Variants in PICALM observed in about 807,000 individuals in gnomAD.
PICALM encodes phosphatidylinositol-binding clathrin assembly protein.
Under a neutral mutation model 80.5 loss-of-function variants are expected in PICALM, and 40 were observed. The ratio of observed to expected loss-of-function variants is 0.50; its 90% CI spans 0.39 to 0.65. PICALM has a LOEUF of 0.65. Among genes scored for constraint, PICALM ranks in the 30% least tolerant of loss-of-function variants. The pLI is 0.00. For synonymous variants in PICALM, 288 were observed against 260.3 expected (o/e 1.11, Z -1.02); for missense variants, 676 against 778.9 (o/e 0.87, Z 1.57).
chr11:86,030,423 T>A (rs919959671), intron 2 of PICALM, among the ~76,000 whole-genome samples: 1 of 152,218 alleles, frequency 6.6e-6, no homozygotes, highest in African/African-American at 2.4e-5. Context: ...AGAAAACTAA[T>A]ACCAATGACT....
At chr11:86,012,418 T>G in intron 5 of PICALM, 26 bp from the exon 6 acceptor site, 2 of 1,254,242 alleles carry the variant, frequency 1.6e-6, no homozygotes, top group African/African-American at 1.5e-5. Flanking sequence ...AAAATAAAAT[T>G]AGCTAATCTT....
intron 16 of PICALM, 60 bp from the exon 17 acceptor site, chr11:85,981,288 T>G: frequency 3.0e-6 from 3 of 985,386 alleles, no homozygotes; most frequent in South Asian, 1.3e-5. Flanking sequence ...TCCTTAGCTA[T>G]ATACTTATAT....
rs764369470 is a variant in PICALM, at chr11:85,957,517, TAA to T, written c.*1527_*1528del. Among the ~76,000 whole-genome samples the T allele has an allele frequency of 6.8e-4, 104 of 152,310 alleles. No homozygotes were observed. The highest frequency in any genetic ancestry group is 5.4e-3 in the South Asian group (26 of 4,826). Reference sequence around the variant, plus strand: ...AGAGTCTACAAGGTAACAAAAAGTGTAAAGAGACATCTTTTTGAAAATTCATA... The same window carrying T: ...AGAGTCTACAAGGTAACAAAAAGTGTAGAGACATCTTTTTGAAAATTCATA... On this transcript the variant is annotated 3_prime_UTR_variant, in exon 20 of 20. Transcript: ENST00000393346.
At chr11:86,020,319 C>T (rs935429697) in intron 4 of PICALM, among the ~76,000 whole-genome samples, 1 of 149,706 alleles carries the variant, frequency 6.7e-6, no homozygotes, top group Non-Finnish European at 1.5e-5. Flanking sequence ...AGATTCAATG[C>T]AATCCCCCAC....
intron 12 of PICALM, among the ~76,000 whole-genome samples, chr11:85,993,630 G>A (rs1031095383): frequency 6.6e-6 from 1 of 151,480 alleles, no homozygotes; most frequent in African/African-American, 2.4e-5. Flanking sequence ...GTAGAGATGG[G>A]GTATCACCAT....
chr11:85,973,129 A>G (rs879301616), intron 19 of PICALM, among the ~76,000 whole-genome samples: 3 of 152,240 alleles, frequency 2.0e-5, no homozygotes, highest in Non-Finnish European at 4.4e-5. Flanking sequence ...TCATTTTAAC[A>G]TGGACAAAGG....
intron 13 of PICALM, among the ~76,000 whole-genome samples, chr11:85,986,702 T>C (rs1254548953): frequency 6.6e-6 from 1 of 152,228 alleles, no homozygotes; most frequent in African/African-American, 2.4e-5. Context: ...CGCCAACTTT[T>C]AATTTTTAAA....
At chr11:86,067,357 C>G (rs1000422604) in intron 1 of PICALM, among the ~76,000 whole-genome samples, 2 of 152,188 alleles carry the variant, frequency 1.3e-5, no homozygotes, top group Non-Finnish European at 2.9e-5. Context: ...AGGGAACTTA[C>G]TTATCGTGAC....
chr11:86,068,606 T>G (rs2096481845), intron 1 of PICALM, 45 bp downstream of exon 1: 1 of 1,569,408 alleles, frequency 6.4e-7, no homozygotes, highest in African/African-American at 1.4e-5. Flanking sequence ...CGCGCGCGGG[T>G]CGCGCGGGCG....
chr11:86,059,460 G>A (rs1476554189), intron 1 of PICALM, among the ~76,000 whole-genome samples: 1 of 152,204 alleles, frequency 6.6e-6, no homozygotes, highest in Non-Finnish European at 1.5e-5. Context: ...ATGTTTTTAT[G>A]AAAGCGGTTA....
At chr11:86,036,539 C>A (rs10898431) in intron 1 of PICALM, among the ~76,000 whole-genome samples, 1 of 151,898 alleles carries the variant, frequency 6.6e-6, no homozygotes, top group African/African-American at 2.4e-5. Context: ...GAATATGGAA[C>A]GCTGAGTACA....
At chr11:86,040,117 A>G (rs542503124) in intron 1 of PICALM, among the ~76,000 whole-genome samples, 3 of 152,006 alleles carry the variant, frequency 2.0e-5, no homozygotes, top group Non-Finnish European at 2.9e-5. Context: ...TCTTAGTGTT[A>G]TAAGAATGGA....
At chr11:85,988,258 A>T (rs1172017449) in intron 13 of PICALM, among the ~76,000 whole-genome samples, 3 of 152,220 alleles carry the variant, frequency 2.0e-5, no homozygotes. Flanking sequence ...ATGCTTCTGA[A>T]AATTTAAGGT....
chr11:85,976,677 G>C lies in PICALM; in HGVS notation c.1785C>G (p.Pro595=), dbSNP rs1200085279. The C allele has an allele frequency of 1.9e-6, 3 of 1,588,838 alleles. No homozygotes were observed. Among genetic ancestry groups the C allele is most frequent in the Non-Finnish European group, 2.6e-6 (3 of 1,157,378 alleles). ...TAGTAGCAGGATAGGCCATTACAGG[G>C]GGTGCCTAACATAGTGAAAGGAAAA... The part of the protein sequence containing the change: ...TTAWNAATMA[P]PVMAYPATTP... Residue 595 remains proline (P), a synonymous_variant, in exon 18 of 20, where the codon CCC becomes CCG. Coordinates refer to ENST00000393346, the MANE Select transcript of PICALM (RefSeq NM_007166.4).
chr11:86,051,108 T>C (rs1013798425), intron 1 of PICALM, among the ~76,000 whole-genome samples: 7 of 152,172 alleles, frequency 4.6e-5, no homozygotes, highest in African/African-American at 7.2e-5. Flanking sequence ...AATAATGATA[T>C]AGTAGTAAAT....
chr11:86,015,529 A>G (rs904534050), intron 4 of PICALM, among the ~76,000 whole-genome samples: 11 of 152,242 alleles, frequency 7.2e-5, no homozygotes, highest in Admixed American at 2.0e-4. Flanking sequence ...TAATCTGGCT[A>G]TTACACAAGA....
At chr11:86,065,437 G>C (rs887656659) in intron 1 of PICALM, among the ~76,000 whole-genome samples, 1 of 147,002 alleles carries the variant, frequency 6.8e-6, no homozygotes, top group Non-Finnish European at 1.5e-5. Flanking sequence ...GCGAGACTCC[G>C]TCTCAAAAAA....
At chr11:85,976,164 G>A (rs1236140060) in intron 18 of PICALM, among the ~76,000 whole-genome samples, 2 of 152,124 alleles carry the variant, frequency 1.3e-5, no homozygotes, top group Non-Finnish European at 2.9e-5. Context: ...GCACATTGTG[G>A]CATTTTGAAA....
chr11:86,011,087 G>T lies in PICALM; in HGVS notation c.708C>A (p.Ile236=). ...KKNQCKEGLD[I]YKKFLTRMTR... is the part of the protein sequence containing the mutation. ...TCATCCTAGTTAGGAACTTCTTATA[G>T]ATGTCAAGACCTTCTTTGCATTGGT... Residue 236 remains isoleucine (I), a synonymous_variant, in exon 7 of 20, where the codon ATC becomes ATA. Coordinates refer to ENST00000393346, the MANE Select transcript of PICALM (RefSeq NM_007166.4). The T allele has an allele frequency of 6.4e-7, 1 of 1,551,514 alleles. No homozygotes were observed. The highest frequency in any genetic ancestry group is 8.8e-7 in the Non-Finnish European group (1 of 1,133,112).
Sources: allele counts gnomAD v4.1 joint callset (sites outside exome capture counted in the v4.1 genomes callset), GRCh38; gene constraint gnomAD v4.1.1; transcripts MANE v1.5; gene names NCBI Gene and HGNC (gene_info 2026-07-23, HGNC 2026-07-21).